The following PPP1R21 variants were observed in gnomAD, a reference collection of about 807,000 sequenced individuals.
The protein encoded by PPP1R21 is KLRAQ motif containing 1.
Under a neutral mutation model 112.8 loss-of-function variants are expected in PPP1R21, and 85 were observed. The ratio of observed to expected loss-of-function variants is 0.75; its 90% CI spans 0.63 to 0.90. The LOEUF (loss-of-function observed/expected upper bound fraction) is 0.90, where lower values mean the gene tolerates loss of function less well. Ranked by LOEUF, PPP1R21 falls within the 40% of genes least tolerant of loss-of-function variation. PPP1R21 has a pLI of 0.00. For missense variants in PPP1R21, 1,199 were observed against 901.5 expected (o/e 1.33, Z -4.23); for synonymous variants, 381 against 322.3 (o/e 1.18, Z -1.95).
At chr2:48,501,573 G>A (rs1190973304) in intron 17 of PPP1R21, among the ~76,000 whole-genome samples, 1 of 152,168 alleles carries the variant, frequency 6.6e-6, no homozygotes, top group African/African-American at 2.4e-5. Context: ...GTGATGGGAT[G>A]TCTCATCCCA....
chr2:48,441,105 G>C, intron 1 of PPP1R21, 95 bp downstream of exon 1: 1 of 849,916 alleles, frequency 1.2e-6, no homozygotes, highest in East Asian at 2.8e-5. Context: ...ACTGCGGGAG[G>C]GGCACGCGAG....
chr2:48,454,690 A>C lies in PPP1R21; in HGVS notation c.222A>C (p.Glu74Asp). 1 of 1,614,200 alleles carries C rather than the reference A, an allele frequency of 6.2e-7. No individual in the cohort carries two copies. Among genetic ancestry groups the C allele is most frequent in the Non-Finnish European group, 8.5e-7 (1 of 1,180,010 alleles). The change falls in exon 3 of 22, where the codon GAA (glutamate) becomes GAC (aspartate). Residue 74 changes from glutamate (E) to aspartate (D), a missense_variant. Physicochemically the swap from Glu to Asp is conservative, Grantham distance 45 (BLOSUM62 2). Transcript: ENST00000294952. ...ATCTGCAGCTTGCCAAGAGGGTAGA[A>C]CTACTTCAAGATGAACTAGCTCTAA... ...FRNLQLAKRV[E>D]LLQDELALSE...
chr2:48,446,435 C>T (rs1366912948), intron 1 of PPP1R21, among the ~76,000 whole-genome samples: 1 of 152,100 alleles, frequency 6.6e-6, no homozygotes, highest in South Asian at 2.1e-4. Context: ...GAGTTAGGCT[C>T]AAGGCTTTTG....
At chr2:48,448,746 C>A (rs1219660116) in intron 1 of PPP1R21, among the ~76,000 whole-genome samples, 1 of 152,176 alleles carries the variant, frequency 6.6e-6, no homozygotes, top group African/African-American at 2.4e-5. Flanking sequence ...AACACTACAT[C>A]ATGGAAGTCA....
In PPP1R21 at chr2:48,453,720, G is replaced by C. The variant is rs533448642; in HGVS notation, c.127-875G>C. ...AGGTTAGCAGAATATTTTAGATTTT[G>C]TTTCTATTGTCATTTAGCTTTAAAG... On this transcript the variant is annotated intron_variant, in intron 2 of 21. Transcript: ENST00000294952. Among the ~76,000 whole-genome samples the C allele has an allele frequency of 2.6e-5, 4 of 152,258 alleles. No homozygotes were observed. The East Asian group carries it at 7.7e-4, about 29-fold the overall frequency.
intron 16 of PPP1R21, among the ~76,000 whole-genome samples, chr2:48,496,492 G>A (rs1032344380): frequency 6.7e-6 from 1 of 148,682 alleles, no homozygotes; most frequent in Non-Finnish European, 1.5e-5. Context: ...TTTTGAGATG[G>A]AGTCTCACTG....
intron 7 of PPP1R21, among the ~76,000 whole-genome samples, chr2:48,461,616 T>C (rs1311584807): frequency 6.6e-6 from 1 of 152,210 alleles, no homozygotes; most frequent in East Asian, 1.9e-4. Context: ...ACTTACCCCT[T>C]GGTCAATTCC....
intron 13 of PPP1R21, among the ~76,000 whole-genome samples, chr2:48,481,102 C>T (rs1213192173): frequency 6.6e-6 from 1 of 152,224 alleles, no homozygotes; most frequent in Non-Finnish European, 1.5e-5. Context: ...GATTCTTCTG[C>T]CTCAGCCTCC....
At chr2:48,456,014 CAA>C (rs1310918539) in intron 3 of PPP1R21, among the ~76,000 whole-genome samples, 1 of 20,202 alleles carries the variant, frequency 4.9e-5, no homozygotes, top group African/African-American at 2.1e-4. Context: ...GACACTGTCT[CAA>C]AAAAAAAAAA....
At chr2:48,481,231 C>T (rs1054598928) in intron 13 of PPP1R21, among the ~76,000 whole-genome samples, 4 of 152,316 alleles carry the variant, frequency 2.6e-5, no homozygotes, top group Non-Finnish European at 5.9e-5. Context: ...TCAGGTGACC[C>T]ACCTGCCGTG....
At chr2:48,482,382 G>A (rs1669054411) in intron 13 of PPP1R21, among the ~76,000 whole-genome samples, 1 of 152,128 alleles carries the variant, frequency 6.6e-6, no homozygotes, top group East Asian at 1.9e-4. Context: ...AAGACGGGAA[G>A]GTCTTAGTAC....
chr2:48,472,096 C>T lies in PPP1R21; in HGVS notation c.1088+729C>T, dbSNP rs565672287. ...CTCTTCTAAAAATACAAAAATTAGCCGGGCGTTGTGGTGCATCCCTATAGT... is the reference window on the plus strand; with the variant it reads ...CTCTTCTAAAAATACAAAAATTAGCTGGGCGTTGTGGTGCATCCCTATAGT... On this transcript the variant is annotated intron_variant, in intron 11 of 21. Transcript: ENST00000294952. 3.4e-3 allele frequency among the ~76,000 whole-genome samples: 514 copies of T among 151,708 alleles called. 1 individual carries two copies. Among genetic ancestry groups the T allele is most frequent in the Non-Finnish European group, 4.6e-3 (311 of 67,924 alleles).
intron 2 of PPP1R21, 165 bp from the exon 3 acceptor site, chr2:48,454,430 C>T: frequency 1.4e-6 from 1 of 739,704 alleles, no homozygotes; most frequent in Non-Finnish European, 2.2e-6. Context: ...ATTATCTTTT[C>T]ACAAAGTGCT....
rs192290630 is a variant in PPP1R21, at chr2:48,501,986, A to G, written c.1935+3251A>G. 137 of 152,286 alleles carry G rather than the reference A, an allele frequency of 9.0e-4. 1 individual carries two copies. Among genetic ancestry groups the G allele is most frequent in the African/African-American group, 3.2e-3 (132 of 41,574 alleles). 9.4% of individuals were successfully genotyped at this position (152,286 alleles called of 1,614,324 possible). On this transcript the variant is annotated intron_variant, in intron 17 of 21. Transcript: ENST00000294952. ...GAGCAGGGACCATGCTAATTTCTGT[A>G]TCGTTCCAATTTTAGTACATGTGCT...
intron 17 of PPP1R21, among the ~76,000 whole-genome samples, chr2:48,499,259 C>G (rs560094893): frequency 1.3e-5 from 2 of 152,240 alleles, no homozygotes; most frequent in East Asian, 1.9e-4. Context: ...AAAAAGTAAC[C>G]ATTAAATTCC....
intron 12 of PPP1R21, among the ~76,000 whole-genome samples, chr2:48,475,882 C>G (rs1292469522): frequency 6.6e-6 from 1 of 151,866 alleles, no homozygotes; most frequent in Non-Finnish European, 1.5e-5. Context: ...CTGAATGGAC[C>G]TCATTTTAAA....
chr2:48,457,266 T>C (rs1325128385), intron 3 of PPP1R21, among the ~76,000 whole-genome samples: 1 of 152,216 alleles, frequency 6.6e-6, no homozygotes, highest in Admixed American at 6.5e-5. Context: ...GTGTTCCATA[T>C]GCACCTCTTG....
chr2:48,509,990 A>G (rs761985977), intron 19 of PPP1R21, 25 bp from the exon 20 acceptor site: 13 of 1,555,860 alleles, frequency 8.4e-6, no homozygotes, highest in South Asian at 4.7e-5. Context: ...TCCCTCTAGT[A>G]ATGGAATGTT....
rs1553339264 is a variant in PPP1R21 at position 48,469,504 on chromosome 2, T to TATAGAG, written c.898-1582_898-1581insTAGAGA. 7.3e-5 allele frequency among the ~76,000 whole-genome samples: 3 copies of TATAGAG among 40,832 alleles called. 1 individual carries two copies. Among genetic ancestry groups the TATAGAG allele is most frequent in the African/African-American group, 4.1e-4 (3 of 7,356 alleles). The allele number at this position is 40,832 out of a possible 152,430, so 26.8% of individuals were successfully genotyped here. A position where few individuals can be genotyped will look rare whatever the true frequency, so the allele number is the denominator to read the frequency against. On this transcript the variant is annotated intron_variant, in intron 9 of 21. Transcript: ENST00000294952. Reference sequence around the variant, plus strand: ...TATATAGAGCATATATATATATATATAGAGCATATATATATATATATATAT... The same window carrying TATAGAG: ...TATATAGAGCATATATATATATATATATAGAGAGAGCATATATATATATATATATAT...
Sources: allele counts gnomAD v4.1 joint callset (sites outside exome capture counted in the v4.1 genomes callset), GRCh38; gene constraint gnomAD v4.1.1; transcripts MANE v1.5; gene names NCBI Gene and HGNC (gene_info 2026-07-23, HGNC 2026-07-21).